The following GPR21 variants were observed in gnomAD, a reference collection of about 807,000 sequenced individuals.
GPR21 encodes G protein-coupled receptor 21.
In GPR21, 9 loss-of-function variants were observed where a neutral mutation model predicts 21.5. That is an observed-to-expected ratio of 0.42 (90% CI 0.25 to 0.73). GPR21 has a LOEUF of 0.73. Ranked by LOEUF, GPR21 falls within the 30% of genes least tolerant of loss-of-function variation. GPR21 has a pLI of 0.27. For missense variants in GPR21, 416 were observed against 428.9 expected (o/e 0.97, Z 0.27); for synonymous variants, 169 against 159.3 (o/e 1.06, Z -0.46).
chr9:123,047,930 T>G, the GPR21 span, among the ~76,000 whole-genome samples: 4 of 71,424 alleles, frequency 5.6e-5, no homozygotes, highest in African/African-American at 9.8e-5. Flanking sequence ...TTTTTTTTTT[T>G]TTTTTTTTTT....
the GPR21 span, among the ~76,000 whole-genome samples, chr9:123,044,687 A>G: frequency 2.6e-5 from 4 of 151,866 alleles, no homozygotes; most frequent in South Asian, 2.1e-4. Flanking sequence ...GTGCTGGTAC[A>G]TGAGTATAAT....
At chr9:123,037,105 G>A (rs747296381), downstream of GPR21, among the ~76,000 whole-genome samples, 11 of 152,090 alleles carry the variant, frequency 7.2e-5, no homozygotes, top group Non-Finnish European at 1.5e-4. Flanking sequence ...ATCTGAATGC[G>A]ACAGTGGTGT....
Position 123,034,761 on chromosome 9 carries a change from T to C in GPR21, c.195T>C (p.Ser65=), listed in dbSNP as rs781367482. 23 of 1,613,958 alleles carry C rather than the reference T, an allele frequency of 1.4e-5. No individual in the cohort carries two copies. In the South Asian group the frequency reaches 2.2e-4, roughly 15 times the overall value. Residue 65 remains serine, a synonymous_variant, in exon 2 of 2, where the codon AGT becomes AGC. Coordinates refer to ENST00000616002, the MANE Select transcript of GPR21 (RefSeq NM_005294.3). ...CAPLLNHHTT[S]YFIQTMAYAD... is the part of the protein sequence containing the mutation. ...CTTTGTTGAACCATCACACTACAAG[T>C]TATTTTATCCAGACTATGGCATATG...
the GPR21 span, among the ~76,000 whole-genome samples, chr9:123,044,475 GT>G: frequency 6.6e-6 from 1 of 151,978 alleles, no homozygotes; most frequent in African/African-American, 2.4e-5. Flanking sequence ...GACCTTTTTG[GT>G]TTCCAGTCTG....
chr9:123,036,131 T>G (rs1183177484), downstream of GPR21, among the ~76,000 whole-genome samples: 3 of 152,262 alleles, frequency 2.0e-5, no homozygotes, highest in Non-Finnish European at 4.4e-5. Context: ...CACTGCAAGT[T>G]TCAACACTGT....
chr9:123,036,878 AATT>A (rs1401137808), downstream of GPR21, among the ~76,000 whole-genome samples: 1 of 151,792 alleles, frequency 6.6e-6, no homozygotes, highest in Non-Finnish European at 1.5e-5. Flanking sequence ...TCTTCTATAG[AATT>A]ATTATTGAGA....
At position 123,035,598 on chromosome 9, in the gene GPR21, TAATG is replaced by T. The variant is rs2032596942; in HGVS notation, c.1033_1036del (p.Asn345AspfsTer?). On this transcript the variant is annotated frameshift_variant, in exon 2 of 2. Transcript: ENST00000616002. LOFTEE classifies it high-confidence loss of function. ...ACACAGTTAGAAGCAAAGGCCCTCT[TAATG>T]GATGTCATATCTGAAGTGGCTCAGT... The T allele has an allele frequency of 1.3e-6, 2 of 1,590,954 alleles. No homozygotes were observed. Among genetic ancestry groups the T allele is most frequent in the Non-Finnish European group, 1.7e-6 (2 of 1,171,440 alleles).
the GPR21 span, among the ~76,000 whole-genome samples, chr9:123,044,026 G>A: frequency 4.7e-5 from 7 of 149,648 alleles, no homozygotes; most frequent in Non-Finnish European, 4.4e-5. Flanking sequence ...TCAGCCTCCC[G>A]AGTAGCTGGG....
At chr9:123,045,936 C>G in the GPR21 span, among the ~76,000 whole-genome samples, 1 of 152,268 alleles carries the variant, frequency 6.6e-6, no homozygotes, top group South Asian at 2.1e-4. Context: ...GCTATTATTT[C>G]TTTGCCACAC....
chr9:123,036,338 G>A (rs546350750), downstream of GPR21, among the ~76,000 whole-genome samples: 7 of 152,164 alleles, frequency 4.6e-5, no homozygotes, highest in African/African-American at 1.4e-4. Context: ...ATATGTGTGC[G>A]TAGAAGTAAT....
Position 123,035,615 on chromosome 9 carries a change from G to C in GPR21, c.1049G>C (p.Ter350SerextTer?). The C allele has an allele frequency of 6.4e-7, 1 of 1,564,700 alleles. No individual in the cohort carries two copies. The change falls in exon 2 of 2, where the codon TGA (stop) becomes TCA (serine). Residue 350 changes from the stop codon to serine (S), a stop_lost. Transcript: ENST00000616002. ...GGCCCTCTTAATGGATGTCATATCT[G>C]AAGTGGCTCAGTTACGGGGTTCCCG... ...SKGPLNGCHI[*>S]
the GPR21 span, among the ~76,000 whole-genome samples, chr9:123,044,459 C>G: frequency 1.3e-5 from 2 of 152,114 alleles, no homozygotes; most frequent in Non-Finnish European, 2.9e-5. Context: ...AGTTTTGGGT[C>G]TTTAAGACCT....
At chr9:123,039,063 A>G (rs1469894999), downstream of GPR21, among the ~76,000 whole-genome samples, 4 of 152,160 alleles carry the variant, frequency 2.6e-5, no homozygotes, top group Non-Finnish European at 5.9e-5. Flanking sequence ...TGTAAATTGT[A>G]AAGTGCTTTG....
the GPR21 span, among the ~76,000 whole-genome samples, chr9:123,047,919 G>GTTTTTTTTTTTTTTTTTTTTT: frequency 2.7e-4 from 17 of 62,282 alleles, 4 homozygotes; most frequent in Non-Finnish European, 5.7e-4. Context: ...CAGCTGCTGG[G>GTTTTTTTTTTTTTTTTTTTTT]TTTTTTTTTT....
the GPR21 span, among the ~76,000 whole-genome samples, chr9:123,047,918 G>GT: frequency 9.2e-6 from 1 of 108,474 alleles, no homozygotes; most frequent in Admixed American, 9.8e-5. Context: ...ACAGCTGCTG[G>GT]GTTTTTTTTT....
In GPR21 at chr9:123,035,589, A is replaced by G. The variant is rs750030945; in HGVS notation, c.1023A>G (p.Lys341=). ...ACGACCCTTACACAGTTAGAAGCAA[A>G]GGCCCTCTTAATGGATGTCATATCT... ...TANDPYTVRS[K]GPLNGCHI The change falls in exon 2 of 2, where the codon AAA becomes AAG. Residue 341 remains lysine, a synonymous_variant. Transcript: ENST00000616002. 1.3e-6 allele frequency: 2 copies of G among 1,598,806 alleles called. No individual in the cohort carries two copies. Among genetic ancestry groups the G allele is most frequent in the Admixed American group, 1.7e-5 (1 of 58,084 alleles).
the GPR21 span, among the ~76,000 whole-genome samples, chr9:123,044,972 A>C: frequency 6.6e-6 from 1 of 152,248 alleles, no homozygotes; most frequent in Admixed American, 6.5e-5. Context: ...AATTTAACAA[A>C]CAATATATGA....
At chr9:123,039,810 G>A (rs908968884), downstream of GPR21, among the ~76,000 whole-genome samples, 1 of 152,150 alleles carries the variant, frequency 6.6e-6, no homozygotes, top group Admixed American at 6.5e-5. Context: ...AGGAACTATA[G>A]AAAGCCTTGA....
the GPR21 span, among the ~76,000 whole-genome samples, chr9:123,040,906 T>G: frequency 9.2e-5 from 14 of 152,172 alleles, no homozygotes; most frequent in African/African-American, 3.4e-4. Flanking sequence ...TCTGTTATTT[T>G]GCAGAGGAGA....
Sources: allele counts gnomAD v4.1 joint callset (sites outside exome capture counted in the v4.1 genomes callset), GRCh38; gene constraint gnomAD v4.1.1; transcripts MANE v1.5; gene names NCBI Gene and HGNC (gene_info 2026-07-23, HGNC 2026-07-21).